Variants in TASP1 observed in about 807,000 individuals in gnomAD.
TASP1 encodes the protein threonine aspartase 1.
A neutral mutation model predicts 56.6 loss-of-function variants in TASP1; 16 were observed. The observed-to-expected ratio is 0.28, with a 90% CI of 0.19 to 0.43. The LOEUF (loss-of-function observed/expected upper bound fraction) is 0.43. TASP1 is among the 20% of genes least tolerant of loss of function. The pLI is 1.00. For missense variants in TASP1, 393 were observed against 511.6 expected (o/e 0.77, Z 2.24); for synonymous variants, 179 against 184.2 (o/e 0.97, Z 0.23).
the TASP1 span, among the ~76,000 whole-genome samples, chr20:13,344,085 A>AT: frequency 8.2e-4 from 125 of 151,778 alleles, no homozygotes; most frequent in Non-Finnish European, 1.6e-3. Context: ...TCGTTCCTTC[A>AT]TTTTTTTAGA....
At chr20:13,455,518 G>A (rs528075202) in intron 11 of TASP1, among the ~76,000 whole-genome samples, 2 of 152,196 alleles carry the variant, frequency 1.3e-5, no homozygotes, top group African/African-American at 4.8e-5. Context: ...TATGGTGAAG[G>A]TTGGGTGGGA....
the TASP1 span, among the ~76,000 whole-genome samples, chr20:13,276,119 TA>T: frequency 6.6e-6 from 1 of 152,254 alleles, no homozygotes; most frequent in East Asian, 1.9e-4. Flanking sequence ...AATCTGGATT[TA>T]AAACCCTTGT....
the TASP1 span, among the ~76,000 whole-genome samples, chr20:13,328,132 T>C: frequency 6.6e-6 from 1 of 151,922 alleles, no homozygotes; most frequent in Admixed American, 6.6e-5. Context: ...AACAACCCCA[T>C]TAAAAAGTGA....
intron 11 of TASP1, among the ~76,000 whole-genome samples, chr20:13,444,110 T>C (rs1018458623): frequency 6.6e-6 from 1 of 152,168 alleles, no homozygotes; most frequent in Non-Finnish European, 1.5e-5. Context: ...GATGTGCATG[T>C]ATAGTGTTAG....
the TASP1 span, among the ~76,000 whole-genome samples, chr20:13,336,789 C>A: frequency 4.0e-5 from 6 of 151,864 alleles, no homozygotes; most frequent in Admixed American, 2.0e-4. Context: ...ATGAGTATCA[C>A]TAAAGATAAA....
At chr20:13,479,695 A>G (rs1397080268) in intron 11 of TASP1, among the ~76,000 whole-genome samples, 1 of 152,122 alleles carries the variant, frequency 6.6e-6, no homozygotes, top group East Asian at 1.9e-4. Context: ...AGGTTTCACC[A>G]TGTTGGCCAG....
At chr20:13,411,085 C>T (rs879301032) in intron 13 of TASP1, among the ~76,000 whole-genome samples, 2 of 152,068 alleles carry the variant, frequency 1.3e-5, no homozygotes, top group East Asian at 1.9e-4. Context: ...TTGAAGAGGG[C>T]GTCCCTTCCC....
the TASP1 span, among the ~76,000 whole-genome samples, chr20:13,269,215 G>A: frequency 6.6e-6 from 1 of 152,096 alleles, no homozygotes; most frequent in Non-Finnish European, 1.5e-5. Context: ...CTATCTCCTT[G>A]TCTCTCTCCA....
chr20:13,367,844 A>G, the TASP1 span, among the ~76,000 whole-genome samples: 1 of 152,158 alleles, frequency 6.6e-6, no homozygotes, highest in Non-Finnish European at 1.5e-5. Context: ...TGTTCACACC[A>G]CAGATGATGG....
chr20:13,426,627 T>C (rs1386595129), intron 12 of TASP1, among the ~76,000 whole-genome samples: 1 of 152,192 alleles, frequency 6.6e-6, no homozygotes, highest in East Asian at 1.9e-4. Context: ...AATCAATATC[T>C]TTGTATTATA....
intron 11 of TASP1, among the ~76,000 whole-genome samples, chr20:13,471,484 A>G (rs1410375264): frequency 6.6e-6 from 1 of 152,032 alleles, no homozygotes; most frequent in Non-Finnish European, 1.5e-5. Flanking sequence ...AACTCCAGCT[A>G]TTCAAATGCC....
intron 4 of TASP1, among the ~76,000 whole-genome samples, chr20:13,595,235 A>G (rs1200082469): frequency 6.6e-6 from 1 of 152,216 alleles, no homozygotes; most frequent in Non-Finnish European, 1.5e-5. Context: ...AGCACTAAAC[A>G]TGGAAAGGAA....
intron 10 of TASP1, among the ~76,000 whole-genome samples, chr20:13,486,017 T>C (rs961424907): frequency 2.0e-5 from 3 of 152,210 alleles, no homozygotes; most frequent in African/African-American, 7.2e-5. Flanking sequence ...CAATGATTGA[T>C]CTTTTTACCA....
At chr20:13,500,075 A>C (rs1385825252) in intron 10 of TASP1, among the ~76,000 whole-genome samples, 1 of 151,746 alleles carries the variant, frequency 6.6e-6, no homozygotes, top group Non-Finnish European at 1.5e-5. Flanking sequence ...CCCAAACCTC[A>C]CTATTATGTG....
chr20:13,297,513 TTCACTAAACCTGAGAC>T, the TASP1 span, among the ~76,000 whole-genome samples: 1 of 152,310 alleles, frequency 6.6e-6, no homozygotes, highest in East Asian at 1.9e-4. Flanking sequence ...AACTAAGACA[TTCACTAAACCTGAGAC>T]TCACTAAACC....
the TASP1 span, among the ~76,000 whole-genome samples, chr20:13,266,677 G>T: frequency 2.0e-5 from 3 of 152,276 alleles, no homozygotes; most frequent in Admixed American, 1.3e-4. Context: ...GGGGCAGAAT[G>T]AATTCAATGG....
chr20:13,124,363 AAGGG>A, the TASP1 span, among the ~76,000 whole-genome samples: 1 of 151,750 alleles, frequency 6.6e-6, no homozygotes, highest in Non-Finnish European at 1.5e-5. Context: ...GGAAGGGAAG[AAGGG>A]AGGGAGGAAG....
At chr20:13,531,066 CGAATTAACGTACTTGCT>C in intron 9 of TASP1, among the ~76,000 whole-genome samples, 1 of 152,096 alleles carries the variant, frequency 6.6e-6, no homozygotes, top group African/African-American at 2.4e-5. Context: ...CAGGATCATG[CGAATTAACGTACTTGCT>C]GAACATAGCA....
At chr20:13,442,689 TG>T (rs1381634244) in intron 11 of TASP1, among the ~76,000 whole-genome samples, 2 of 145,802 alleles carry the variant, frequency 1.4e-5, no homozygotes, top group Non-Finnish European at 2.9e-5. Context: ...AGAGAGAGAA[TG>T]GCACTTTTAC....
Sources: gnomAD v4.1 joint callset for allele counts (sites outside exome capture counted in the v4.1 genomes callset) on GRCh38, gnomAD v4.1.1 for gene constraint, MANE v1.5 for transcripts, NCBI Gene and HGNC (gene_info 2026-07-23, HGNC 2026-07-21) for gene names.